ADGRG7: variants seen among roughly 807,000 people sequenced by gnomAD.
The protein encoded by ADGRG7 is adhesion G protein-coupled receptor G7.
ADGRG7 carries 82 observed loss-of-function variants against 88.6 expected under a neutral mutation model. The ratio of observed to expected loss-of-function variants is 0.93; its 90% CI spans 0.77 to 1.11. The LOEUF is 1.11. Among genes scored for constraint, ADGRG7 ranks in the 50% most tolerant of loss-of-function variants. The probability of loss-of-function intolerance (pLI) is 0.00; values close to 1 mark genes in which losing one functional copy is unlikely to be tolerated. For synonymous variants in ADGRG7, 381 were observed against 345.2 expected (o/e 1.10, Z -1.15); for missense variants, 945 against 953.4 (o/e 0.99, Z 0.12).
intron 5 of ADGRG7, among the ~76,000 whole-genome samples, chr3:100,636,872 C>T (rs1479202973): frequency 6.6e-6 from 1 of 152,160 alleles, no homozygotes; most frequent in East Asian, 1.9e-4. Flanking sequence ...AAGAAAACTA[C>T]AAATAATTTT....
intron 15 of ADGRG7, among the ~76,000 whole-genome samples, chr3:100,694,041 C>A (rs537230706): frequency 6.6e-6 from 1 of 152,268 alleles, no homozygotes; most frequent in South Asian, 2.1e-4. Context: ...TGATCGTGGA[C>A]AAACTACTTA....
At chr3:100,674,729 C>T (rs2094962769) in intron 15 of ADGRG7, among the ~76,000 whole-genome samples, 1 of 152,112 alleles carries the variant, frequency 6.6e-6, no homozygotes, top group Non-Finnish European at 1.5e-5. Context: ...AGGCATGTGC[C>T]ACCACCCCTA....
intron 14 of ADGRG7, among the ~76,000 whole-genome samples, chr3:100,666,992 C>T (rs1352623854): frequency 6.6e-6 from 1 of 152,106 alleles, no homozygotes; most frequent in African/African-American, 2.4e-5. Flanking sequence ...AACAGAATCT[C>T]AAGGCAGAGG....
In ADGRG7 at chr3:100,656,251, C is replaced by T. The variant is rs367986319; in HGVS notation, c.1823+256C>T. Among the ~76,000 whole-genome samples, 12 of 152,278 alleles carry T rather than the reference C, an allele frequency of 7.9e-5. No homozygotes were observed. The East Asian group carries it at 1.3e-3, about 17-fold the overall frequency. ...AACTTTCTTATGTTAAATTTGTCTTCTTTCATTAAATCTGAAAATCATGAT... is the reference window on the plus strand; with the variant it reads ...AACTTTCTTATGTTAAATTTGTCTTTTTTCATTAAATCTGAAAATCATGAT... On this transcript the variant is annotated intron_variant, in intron 13 of 15. Transcript: ENST00000273352.
intron 6 of ADGRG7, among the ~76,000 whole-genome samples, chr3:100,642,837 G>A (rs1304251940): frequency 6.6e-6 from 1 of 152,190 alleles, no homozygotes; most frequent in African/African-American, 2.4e-5. Flanking sequence ...TACAAAACAT[G>A]CTTTGGATCC....
At chr3:100,620,618 GTGT>G (rs751612142) in intron 1 of ADGRG7, among the ~76,000 whole-genome samples, 3 of 152,028 alleles carry the variant, frequency 2.0e-5, no homozygotes, top group Non-Finnish European at 4.4e-5. Context: ...TATTTTCAAG[GTGT>G]TGTCAACCCA....
At chr3:100,643,950 A>G (rs1707692171) in intron 8 of ADGRG7, among the ~76,000 whole-genome samples, 1 of 152,222 alleles carries the variant, frequency 6.6e-6, no homozygotes, top group Non-Finnish European at 1.5e-5. Flanking sequence ...CAAATTTAAG[A>G]CATATTCAAT....
intron 15 of ADGRG7, among the ~76,000 whole-genome samples, chr3:100,680,280 C>T (rs999760540): frequency 5.3e-5 from 8 of 152,108 alleles, no homozygotes; most frequent in Non-Finnish European, 1.0e-4. Flanking sequence ...TATCTGATAT[C>T]CAGCTTTATG....
intron 1 of ADGRG7, 85 bp from the exon 2 acceptor site, chr3:100,629,513 C>T (rs1408432310): frequency 2.2e-5 from 18 of 801,836 alleles, no homozygotes; most frequent in Non-Finnish European, 3.0e-5. Context: ...AGTGGTTTTA[C>T]GTGTAGAAAT....
At chr3:100,664,428 C>T (rs1232759036) in intron 14 of ADGRG7, among the ~76,000 whole-genome samples, 5 of 152,042 alleles carry the variant, frequency 3.3e-5, no homozygotes, top group African/African-American at 7.2e-5. Context: ...GAAAAGCTAA[C>T]GGTCATAATT....
chr3:100,614,246 T>G (rs1478942623), intron 1 of ADGRG7, among the ~76,000 whole-genome samples: 1 of 152,214 alleles, frequency 6.6e-6, no homozygotes, highest in Non-Finnish European at 1.5e-5. Context: ...GGTTTAATCA[T>G]TAAGTTCAAT....
chr3:100,669,075 C>A lies in ADGRG7; in HGVS notation c.2106C>A (p.Ser702Arg), dbSNP rs2094955140. Reference sequence around the variant, plus strand: ...ATGATAGCATCAGGATCGTCTTCAGCTACATATTCTGCCTTTTCAACACTA... The same window carrying A: ...ATGATAGCATCAGGATCGTCTTCAGATACATATTCTGCCTTTTCAACACTA... ...VNDDSIRIVF[S>R]YIFCLFNTTQ... The change falls in exon 15 of 16, where the codon AGC becomes AGA. Residue 702 changes from serine to arginine, a missense_variant. By Grantham distance (110) the Ser-to-Arg change is moderately radical. Transcript: ENST00000273352. 1.3e-6 allele frequency: 2 copies of A among 1,594,088 alleles called. No individual in the cohort carries two copies. Among genetic ancestry groups the A allele is most frequent in the Non-Finnish European group, 1.7e-6 (2 of 1,171,944 alleles).
At position 100,611,504 on chromosome 3, in the gene ADGRG7, C is replaced by G. The variant is rs185491852; in HGVS notation, c.115+1533C>G. ...ATGGGGGACAGAAAACCTGAAAGTTCAAGGCTTGGGGGGAGTTGCTGAAAA... is the reference window on the plus strand; with the variant it reads ...ATGGGGGACAGAAAACCTGAAAGTTGAAGGCTTGGGGGGAGTTGCTGAAAA... On this transcript the variant is annotated intron_variant, in intron 1 of 15. Transcript: ENST00000273352. Among the ~76,000 whole-genome samples, 3 of 152,170 alleles carry G rather than the reference C, an allele frequency of 2.0e-5. No individual in the cohort carries two copies. In the East Asian group the frequency reaches 5.8e-4, roughly 29 times the overall value.
At chr3:100,666,637 T>C (rs1003604325) in intron 14 of ADGRG7, among the ~76,000 whole-genome samples, 4 of 152,154 alleles carry the variant, frequency 2.6e-5, no homozygotes, top group African/African-American at 9.7e-5. Context: ...TTGTCTCAAC[T>C]GCAAGAGGCA....
intron 2 of ADGRG7, among the ~76,000 whole-genome samples, chr3:100,630,068 T>G (rs1465889070): frequency 6.6e-6 from 1 of 152,186 alleles, no homozygotes; most frequent in Non-Finnish European, 1.5e-5. Flanking sequence ...ACTACTCTAA[T>G]ATATTTAACT....
intron 1 of ADGRG7, among the ~76,000 whole-genome samples, chr3:100,621,342 CCAAA>C (rs1707308858): frequency 6.6e-6 from 1 of 152,118 alleles, no homozygotes; most frequent in South Asian, 2.1e-4. Flanking sequence ...GTATGTTGTG[CCAAA>C]CAGTTAGCCA....
At chr3:100,651,185 A>C (rs1322090109) in intron 11 of ADGRG7, among the ~76,000 whole-genome samples, 1 of 152,212 alleles carries the variant, frequency 6.6e-6, no homozygotes, top group Non-Finnish European at 1.5e-5. Context: ...AACTATGAAC[A>C]GACAGATAAT....
rs2094948416 is a variant in ADGRG7, at chr3:100,663,715, C to T, written c.1979+3872C>T. On this transcript the variant is annotated intron_variant, in intron 14 of 15. Coordinates refer to ENST00000273352, the MANE Select transcript of ADGRG7 (RefSeq NM_032787.3). ...TTAAATTTTGCTAGTTTTGAGATGA[C>T]TAAGATGTTCTTAATATAAGAATTC... 2.6e-5 allele frequency among the ~76,000 whole-genome samples: 4 copies of T among 151,970 alleles called. No homozygotes were observed. In the South Asian group the frequency reaches 8.3e-4, roughly 31 times the overall value.
At chr3:100,651,282 G>A (rs1553693004) in intron 11 of ADGRG7, among the ~76,000 whole-genome samples, 1 of 152,184 alleles carries the variant, frequency 6.6e-6, no homozygotes, top group Non-Finnish European at 1.5e-5. Context: ...ACAAATTGTG[G>A]TAAGTGCCTT....
Sources: allele counts gnomAD v4.1 joint callset (sites outside exome capture counted in the v4.1 genomes callset), GRCh38; gene constraint gnomAD v4.1.1; transcripts MANE v1.5; gene names NCBI Gene and HGNC (gene_info 2026-07-23, HGNC 2026-07-21).